The following EEFSEC variants were observed in gnomAD, a reference collection of about 807,000 sequenced individuals.
The protein encoded by EEFSEC is eukaryotic elongation factor, selenocysteine-tRNA specific, also known as selenocysteine-specific elongation factor.
EEFSEC carries 43 observed loss-of-function variants against 42.1 expected under a neutral mutation model. The ratio of observed to expected loss-of-function variants is 1.02; its 90% CI spans 0.80 to 1.32. The LOEUF is 1.32. Among genes scored for constraint, EEFSEC ranks in the 40% most tolerant of loss-of-function variants. The pLI, the probability that EEFSEC is intolerant of heterozygous loss-of-function variation, is 0.00. For synonymous variants in EEFSEC, 354 were observed against 339.1 expected (o/e 1.04, Z -0.48); for missense variants, 745 against 803.6 (o/e 0.93, Z 0.88).
chr3:128,325,134 C>T (rs1381252470), intron 4 of EEFSEC, among the ~76,000 whole-genome samples: 2 of 152,208 alleles, frequency 1.3e-5, no homozygotes, highest in Non-Finnish European at 2.9e-5. Context: ...ACCTGGAGCC[C>T]AGAGCTGTCA....
At chr3:128,173,260 G>C (rs1200758532) in intron 1 of EEFSEC, among the ~76,000 whole-genome samples, 3 of 152,168 alleles carry the variant, frequency 2.0e-5, no homozygotes, top group Non-Finnish European at 4.4e-5. Context: ...AAAGGAGCCT[G>C]GTTTGTGAGG....
chr3:128,304,547 G>A (rs937842986), intron 4 of EEFSEC, among the ~76,000 whole-genome samples: 1 of 151,982 alleles, frequency 6.6e-6, no homozygotes, highest in African/African-American at 2.4e-5. Context: ...ATTCTCTTGA[G>A]TTTTCTAGGT....
chr3:128,371,004 G>T (rs1168765205), intron 6 of EEFSEC, among the ~76,000 whole-genome samples: 1 of 152,104 alleles, frequency 6.6e-6, no homozygotes, highest in Non-Finnish European at 1.5e-5. Context: ...TGGGAATATG[G>T]AATAGAAACT....
intron 1 of EEFSEC, among the ~76,000 whole-genome samples, chr3:128,232,563 A>G (rs2065969440): frequency 1.3e-5 from 2 of 152,216 alleles, no homozygotes; most frequent in South Asian, 2.1e-4. Context: ...AAAATGGTTA[A>G]AATGGGGGGA....
intron 4 of EEFSEC, among the ~76,000 whole-genome samples, chr3:128,275,341 G>A (rs920694922): frequency 4.6e-5 from 7 of 152,262 alleles, no homozygotes; most frequent in African/African-American, 1.7e-4. Context: ...ACTGTCTGAA[G>A]ACCACTGCCT....
intron 4 of EEFSEC, among the ~76,000 whole-genome samples, chr3:128,303,155 C>T (rs752298237): frequency 1.6e-4 from 24 of 152,128 alleles, no homozygotes; most frequent in Non-Finnish European, 2.9e-4. Context: ...TTTGTAGAGA[C>T]GGAGGTCTCA....
intron 4 of EEFSEC, among the ~76,000 whole-genome samples, chr3:128,335,003 G>A (rs1176534326): frequency 6.6e-6 from 1 of 152,214 alleles, no homozygotes; most frequent in East Asian, 1.9e-4. Context: ...CTTTACCCTT[G>A]GGGTTTTGTG....
chr3:128,311,472 A>G (rs1420368128), intron 4 of EEFSEC, among the ~76,000 whole-genome samples: 2 of 152,236 alleles, frequency 1.3e-5, no homozygotes, highest in Non-Finnish European at 2.9e-5. Context: ...CTAGCCCTCT[A>G]CGTCCCACTA....
chr3:128,402,613 G>A (rs1359298625), intron 6 of EEFSEC, among the ~76,000 whole-genome samples: 1 of 152,258 alleles, frequency 6.6e-6, no homozygotes, highest in Non-Finnish European at 1.5e-5. Flanking sequence ...AGAGGATTCA[G>A]TACCTCCGTG....
At chr3:128,157,016 C>T (rs568084628) in intron 1 of EEFSEC, among the ~76,000 whole-genome samples, 13 of 152,214 alleles carry the variant, frequency 8.5e-5, no homozygotes, top group South Asian at 2.1e-4. Flanking sequence ...AAGTTTTGGA[C>T]GCAAAGGAAA....
intron 4 of EEFSEC, among the ~76,000 whole-genome samples, chr3:128,307,993 C>T (rs973174006): frequency 6.6e-6 from 1 of 152,258 alleles, no homozygotes; most frequent in Non-Finnish European, 1.5e-5. Context: ...CCTGGGGTCA[C>T]CTGGGCATAA....
chr3:128,248,898 G>A (rs2066155357), intron 2 of EEFSEC, among the ~76,000 whole-genome samples: 1 of 152,210 alleles, frequency 6.6e-6, no homozygotes, highest in Non-Finnish European at 1.5e-5. Context: ...CACACATCCA[G>A]AGGAAATTGT....
intron 6 of EEFSEC, among the ~76,000 whole-genome samples, chr3:128,402,723 T>C (rs2068062514): frequency 4.6e-5 from 7 of 152,242 alleles, no homozygotes; most frequent in Admixed American, 4.6e-4. Context: ...ACTGTGACCA[T>C]CTAGGACTTT....
chr3:128,378,788 A>G (rs541558246), intron 6 of EEFSEC, among the ~76,000 whole-genome samples: 2 of 152,290 alleles, frequency 1.3e-5, no homozygotes, highest in African/African-American at 4.8e-5. Context: ...CTGTTCCCAG[A>G]CAGCTCATCC....
At chr3:128,156,586 A>G (rs1944385256) in intron 1 of EEFSEC, among the ~76,000 whole-genome samples, 1 of 152,272 alleles carries the variant, frequency 6.6e-6, no homozygotes, top group African/African-American at 2.4e-5. Context: ...TATTCTTAAC[A>G]ATATTTCAAA....
intron 1 of EEFSEC, among the ~76,000 whole-genome samples, chr3:128,207,229 C>A (rs535968034): frequency 3.8e-4 from 58 of 150,894 alleles, no homozygotes; most frequent in African/African-American, 1.4e-3. Flanking sequence ...CTTCCTCCCT[C>A]CATCTCTCTC....
In EEFSEC at chr3:128,341,457, T is replaced by C. The variant is rs776299863; in HGVS notation, c.1011T>C (p.Ile337=). Residue 337 remains isoleucine (I), a synonymous_variant, in exon 5 of 7, where the codon ATT becomes ATC. Transcript: ENST00000254730. Reference sequence around the variant, plus strand: ...TGCAAACCAAGGCCAAGTTCCACATTACAGTGGGCCATGAAACAGTCATGG... The same window carrying C: ...TGCAAACCAAGGCCAAGTTCCACATCACAGTGGGCCATGAAACAGTCATGG... The part of the protein sequence containing the change: ...GPLQTKAKFH[I]TVGHETVMGR... 1 of 1,614,068 alleles carries C rather than the reference T, an allele frequency of 6.2e-7. No individual in the cohort carries two copies. Among genetic ancestry groups the C allele is most frequent in the African/African-American group, 1.3e-5 (1 of 74,930 alleles).
At chr3:128,362,059 A>G in intron 6 of EEFSEC, 1 of 356,492 alleles carries the variant, frequency 2.8e-6, no homozygotes, top group South Asian at 2.1e-5. Context: ...ATGCCCCTAG[A>G]GAGCAGTCAT....
intron 1 of EEFSEC, among the ~76,000 whole-genome samples, chr3:128,183,070 C>T (rs1028470563): frequency 1.3e-5 from 2 of 152,170 alleles, no homozygotes; most frequent in African/African-American, 4.8e-5. Flanking sequence ...TCTTTGTCAA[C>T]TTATTTAACC....
Sources: allele counts gnomAD v4.1 joint callset (sites outside exome capture counted in the v4.1 genomes callset), GRCh38; gene constraint gnomAD v4.1.1; transcripts MANE v1.5; gene names NCBI Gene and HGNC (gene_info 2026-07-23, HGNC 2026-07-21).